Variants in DSCAM observed in about 807,000 individuals in gnomAD.
DSCAM encodes DS cell adhesion molecule.
Under a neutral mutation model 217.7 loss-of-function variants are expected in DSCAM, and 47 were observed. The ratio of observed to expected loss-of-function variants is 0.22; its 90% CI spans 0.17 to 0.28. The LOEUF (loss-of-function observed/expected upper bound fraction) is 0.28. Among genes scored for constraint, DSCAM ranks in the 10% least tolerant of loss-of-function variants. The pLI, the probability that DSCAM is intolerant of heterozygous loss-of-function variation, is 1.00. For missense variants in DSCAM, 2,080 were observed against 2,618.3 expected (o/e 0.79, Z 4.49); for synonymous variants, 1,056 against 1,015.3 (o/e 1.04, Z -0.76).
In DSCAM at chr21:40,430,253, CTGAG is replaced by C. The variant is rs1486563368; in HGVS notation, c.509-61012_509-61009del. Among the ~76,000 whole-genome samples the C allele has an allele frequency of 3.9e-5, 6 of 152,144 alleles. No individual in the cohort carries two copies. The East Asian group carries it at 1.2e-3, about 29-fold the overall frequency. On this transcript the variant is annotated intron_variant, in intron 3 of 32. Transcript: ENST00000400454. ...GTAGAGACAGCTGTGATGGTTAATA[CTGAG>C]TGTCAACTTGATTGGATTGAAGGAT... is the stretch of plus-strand genomic sequence containing the variant.
chr21:40,236,869 G>A (rs138350924), intron 11 of DSCAM, among the ~76,000 whole-genome samples: 2 of 152,268 alleles, frequency 1.3e-5, no homozygotes, highest in Middle Eastern at 3.4e-3. Context: ...CACCAGGCAA[G>A]GCACATGAGG....
At chr21:40,557,261 C>T (rs1280454206) in intron 3 of DSCAM, among the ~76,000 whole-genome samples, 2 of 152,124 alleles carry the variant, frequency 1.3e-5, no homozygotes, top group East Asian at 1.9e-4. Context: ...AGATTAATGC[C>T]CTCCCTCAGG....
At chr21:40,589,367 G>C (rs1349454417) in intron 3 of DSCAM, among the ~76,000 whole-genome samples, 1 of 152,166 alleles carries the variant, frequency 6.6e-6, no homozygotes, top group East Asian at 1.9e-4. Flanking sequence ...CACGAGGTTA[G>C]GAATTTGAGA....
chr21:40,186,316 C>T (rs1434776634), intron 14 of DSCAM, among the ~76,000 whole-genome samples: 2 of 152,076 alleles, frequency 1.3e-5, no homozygotes, highest in East Asian at 1.9e-4. Flanking sequence ...AAATAACGTG[C>T]GGTATCCAGG....
intron 3 of DSCAM, among the ~76,000 whole-genome samples, chr21:40,622,402 A>AATAATTT (rs2089532992): frequency 6.6e-6 from 1 of 152,146 alleles, no homozygotes; most frequent in South Asian, 2.1e-4. Context: ...GTAGGTAACT[A>AATAATTT]ATGAACACCA....
intron 3 of DSCAM, among the ~76,000 whole-genome samples, chr21:40,571,528 G>T (rs2076806690): frequency 6.6e-6 from 1 of 152,070 alleles, no homozygotes; most frequent in Admixed American, 6.6e-5. Flanking sequence ...TGTGCTCCAA[G>T]AAATGCTTAA....
intron 14 of DSCAM, among the ~76,000 whole-genome samples, chr21:40,180,158 T>C (rs1008549828): frequency 6.6e-6 from 1 of 152,178 alleles, no homozygotes; most frequent in African/African-American, 2.4e-5. Flanking sequence ...TACATGAATG[T>C]TTAATAGAGG....
chr21:40,765,518 A>C (rs2091379329), intron 1 of DSCAM, among the ~76,000 whole-genome samples: 1 of 152,100 alleles, frequency 6.6e-6, no homozygotes, highest in Admixed American at 6.5e-5. Flanking sequence ...CAAGGACCAA[A>C]GAAAAAAAAT....
At chr21:40,251,193 G>GTGAT (rs1456793261) in intron 11 of DSCAM, among the ~76,000 whole-genome samples, 22 of 152,226 alleles carry the variant, frequency 1.4e-4, no homozygotes, top group African/African-American at 5.1e-4. Context: ...GGCTGGCCAT[G>GTGAT]TGATAGAGAG....
At chr21:40,472,993 C>A (rs2075901818) in intron 3 of DSCAM, among the ~76,000 whole-genome samples, 1 of 152,110 alleles carries the variant, frequency 6.6e-6, no homozygotes, top group Non-Finnish European at 1.5e-5. Flanking sequence ...GGGCTACAAA[C>A]CCATTTCCCT....
chr21:40,457,787 T>C (rs1175139012), intron 3 of DSCAM, among the ~76,000 whole-genome samples: 2 of 152,184 alleles, frequency 1.3e-5, no homozygotes, highest in East Asian at 1.9e-4. Context: ...TACATTGTTG[T>C]GGTAAGTTTT....
intron 10 of DSCAM, among the ~76,000 whole-genome samples, chr21:40,284,597 C>T (rs895155151): frequency 6.6e-6 from 1 of 152,154 alleles, no homozygotes. Flanking sequence ...ATGGGTCAAC[C>T]CCAAACATCA....
At chr21:40,701,686 T>G (rs1276528680) in intron 2 of DSCAM, among the ~76,000 whole-genome samples, 1 of 148,728 alleles carries the variant, frequency 6.7e-6, no homozygotes, top group African/African-American at 2.5e-5. Context: ...TTTTTTTTTT[T>G]GACACAGATC....
chr21:40,550,047 G>C (rs943987416), intron 3 of DSCAM, among the ~76,000 whole-genome samples: 1 of 152,118 alleles, frequency 6.6e-6, no homozygotes, highest in Non-Finnish European at 1.5e-5. Context: ...CAAATGAAAA[G>C]AACCCTACCA....
chr21:40,605,436 G>A (rs990166264), intron 3 of DSCAM, among the ~76,000 whole-genome samples: 7 of 152,160 alleles, frequency 4.6e-5, no homozygotes, highest in African/African-American at 1.2e-4. Flanking sequence ...GGGTGCCCTC[G>A]CTGAAAATCA....
At chr21:40,776,248 G>T (rs1946933073) in intron 1 of DSCAM, among the ~76,000 whole-genome samples, 1 of 151,552 alleles carries the variant, frequency 6.6e-6, no homozygotes, top group African/African-American at 2.4e-5. Context: ...TATAATTTGG[G>T]GATTTGATCT....
At chr21:40,708,297 C>A (rs370483914) in intron 2 of DSCAM, among the ~76,000 whole-genome samples, 157 bp downstream of exon 2, 38 of 152,278 alleles carry the variant, frequency 2.5e-4, no homozygotes, top group African/African-American at 7.9e-4. Flanking sequence ...GAAATCTAAA[C>A]AAGGAGACCT....
At chr21:40,187,740 G>T in intron 13 of DSCAM, 151 bp downstream of exon 13, 1 of 747,236 alleles carries the variant, frequency 1.3e-6, no homozygotes, top group Admixed American at 2.2e-5. Flanking sequence ...GCAAAATTCT[G>T]CTTTAGCACT....
intron 18 of DSCAM, among the ~76,000 whole-genome samples, chr21:40,138,290 T>C (rs9976347): frequency 0.94 from 141,609 of 151,356 alleles, 66,760 homozygotes; most frequent in Non-Finnish European, 0.99. Context: ...GGTGTGTGTG[T>C]ACCTGTGTGC....
Sources: gnomAD v4.1 joint callset for allele counts (sites outside exome capture counted in the v4.1 genomes callset) on GRCh38, gnomAD v4.1.1 for gene constraint, MANE v1.5 for transcripts, NCBI Gene and HGNC (gene_info 2026-07-23, HGNC 2026-07-21) for gene names.